NEK7: variants seen among roughly 807,000 people sequenced by gnomAD.
NEK7 encodes serine/threonine-protein kinase Nek7.
Under a neutral mutation model 44.6 loss-of-function variants are expected in NEK7, and 18 were observed. The ratio of observed to expected loss-of-function variants is 0.40; its 90% CI spans 0.28 to 0.60. The LOEUF (loss-of-function observed/expected upper bound fraction) is 0.60. NEK7 is among the 20% of genes least tolerant of loss of function. NEK7 has a pLI of 0.38. For synonymous variants in NEK7, 130 were observed against 121.1 expected, an observed-to-expected ratio of 1.07 and a Z score of -0.48; for missense variants, 256 against 366.5, an observed-to-expected ratio of 0.70 and a Z score of 2.46.
intron 1 of NEK7, among the ~76,000 whole-genome samples, chr1:198,169,434 C>A (rs984224176): frequency 3.3e-5 from 5 of 152,220 alleles, no homozygotes; most frequent in African/African-American, 7.2e-5. Context: ...TTATTAATTG[C>A]AGAATATGAG....
chr1:198,220,849 T>C (rs777642969), intron 1 of NEK7: 13 of 152,116 alleles, frequency 8.5e-5, no homozygotes, highest in Non-Finnish European at 1.5e-4. Context: ...TTAAATATGA[T>C]TGATCCTCTT....
chr1:198,253,088 A>G lies in NEK7; in HGVS notation c.106A>G (p.Ile36Val). ...MGYNTLANFR[I>V]EKKIGRGQFS... ...CTATAATACATTAGCCAACTTTCGA[A>G]TAGAAAAGAAAATTGGTCGCGGACA... The change falls in exon 3 of 10, where the codon ATA becomes GTA. Residue 36 changes from isoleucine (I) to valine (V), a missense_variant. Coordinates refer to ENST00000367385, the MANE Select transcript of NEK7 (RefSeq NM_133494.3). 1 of 1,612,612 alleles carries G rather than the reference A, an allele frequency of 6.2e-7. No homozygotes were observed. The highest frequency in any genetic ancestry group is 2.2e-5 in the East Asian group (1 of 44,828).
intron 7 of NEK7, among the ~76,000 whole-genome samples, chr1:198,292,686 C>T (rs1048742073): frequency 5.9e-5 from 9 of 151,614 alleles, no homozygotes; most frequent in African/African-American, 1.9e-4. Flanking sequence ...AGTTATGCTC[C>T]GTTGATTCTT....
Position 198,253,137 on chromosome 1 carries a change from C to G in NEK7, c.155C>G (p.Ala52Gly). Residue 52 changes from alanine (A) to glycine (G), a missense_variant, in exon 3 of 10, where the codon GCC (alanine) becomes GGC (glycine). By Grantham distance (60) the Ala-to-Gly change is moderately conservative. Coordinates refer to ENST00000367385, the MANE Select transcript of NEK7 (RefSeq NM_133494.3). ...RGQFSEVYRA[A>G]CLLDGVPVAL... ...CAATTTAGTGAAGTTTATAGAGCAG[C>G]CTGTCTCTTGGATGGAGTACCAGTA... 6.2e-7 allele frequency: 1 copy of G among 1,611,338 alleles called. No individual in the cohort carries two copies. The highest frequency in any genetic ancestry group is 1.1e-5 in the South Asian group (1 of 90,906).
chr1:198,213,143 GA>G (rs1665824503), intron 1 of NEK7, among the ~76,000 whole-genome samples: 1 of 152,194 alleles, frequency 6.6e-6, no homozygotes, highest in South Asian at 2.1e-4. Context: ...TCTGGAGTGG[GA>G]CAGCATCACT....
intron 1 of NEK7, among the ~76,000 whole-genome samples, chr1:198,228,057 G>A (rs573377470): frequency 6.6e-6 from 1 of 152,318 alleles, no homozygotes; most frequent in Admixed American, 6.5e-5. Flanking sequence ...AAGGTGTAAG[G>A]AAGGGATCCA....
chr1:198,268,857 T>C (rs770404050), intron 5 of NEK7, among the ~76,000 whole-genome samples: 44 of 152,100 alleles, frequency 2.9e-4, no homozygotes, highest in Non-Finnish European at 2.2e-4. Flanking sequence ...CTGTGGCTCA[T>C]TGGCCTTTCA....
chr1:198,271,990 G>A (rs72731922), intron 5 of NEK7, among the ~76,000 whole-genome samples: 6,521 of 149,092 alleles, frequency 0.044, 229 homozygotes, highest in Non-Finnish European at 0.061. Flanking sequence ...GTACATCTAT[G>A]TGTCTATATC....
intron 9 of NEK7, among the ~76,000 whole-genome samples, chr1:198,311,234 C>T (rs1161333716): frequency 6.9e-6 from 1 of 145,890 alleles, no homozygotes; most frequent in African/African-American, 2.6e-5. Context: ...ATTTGGCTCT[C>T]TGTTTGTCTG....
intron 1 of NEK7, among the ~76,000 whole-genome samples, chr1:198,180,282 A>C (rs996312460): frequency 6.6e-6 from 1 of 152,018 alleles, no homozygotes; most frequent in Non-Finnish European, 1.5e-5. Context: ...ATTAATCAAT[A>C]ACGAAGTATC....
chr1:198,270,140 T>C (rs1653790112), intron 5 of NEK7, among the ~76,000 whole-genome samples: 2 of 151,960 alleles, frequency 1.3e-5, no homozygotes, highest in Admixed American at 1.3e-4. Flanking sequence ...AATAAGAGGA[T>C]TTTAAAATTT....
At chr1:198,298,131 T>G (rs1654766941) in intron 9 of NEK7, among the ~76,000 whole-genome samples, 3 of 152,226 alleles carry the variant, frequency 2.0e-5, no homozygotes, top group African/African-American at 7.2e-5. Context: ...AATAGTGTGT[T>G]GAGTTAGGAC....
chr1:198,310,461 G>C (rs1655145222), intron 9 of NEK7, among the ~76,000 whole-genome samples: 1 of 146,218 alleles, frequency 6.8e-6, no homozygotes, highest in Non-Finnish European at 1.5e-5. Context: ...GATCCCATTT[G>C]TCAATTTTGG....
At chr1:198,210,962 C>G (rs1035923074) in intron 1 of NEK7, among the ~76,000 whole-genome samples, 2 of 151,566 alleles carry the variant, frequency 1.3e-5, no homozygotes, top group Non-Finnish European at 2.9e-5. Context: ...CCGTTTTAGC[C>G]GGGATGGTCT....
chr1:198,186,217 T>C (rs1664921779), intron 1 of NEK7, among the ~76,000 whole-genome samples: 1 of 152,236 alleles, frequency 6.6e-6, no homozygotes, highest in Non-Finnish European at 1.5e-5. Context: ...TCTGCTTACT[T>C]ATTTTCTGTT....
intron 2 of NEK7, among the ~76,000 whole-genome samples, chr1:198,250,078 A>G (rs1003286875): frequency 3.4e-5 from 5 of 148,520 alleles, no homozygotes; most frequent in African/African-American, 1.3e-4. Context: ...GAAGGGATCC[A>G]GTTTCAGCTT....
At position 198,158,479 on chromosome 1, in the gene NEK7, T is replaced by C. The variant is rs148549581; in HGVS notation, c.-29+1203T>C. ...CAGCAGTATGTCTTGTCAGGTTGCA[T>C]TAGAGAATTAAAGTACAGAGTATGT... On this transcript the variant is annotated intron_variant, in intron 1 of 9. Coordinates refer to ENST00000367385, the MANE Select transcript of NEK7 (RefSeq NM_133494.3). 3.0e-4 allele frequency among the ~76,000 whole-genome samples: 46 copies of C among 152,284 alleles called. 3 individuals are homozygous for C. In the South Asian group the frequency reaches 6.8e-3, roughly 23 times the overall value.
chr1:198,282,117 C>G (rs748877365), intron 7 of NEK7, among the ~76,000 whole-genome samples: 1 of 152,190 alleles, frequency 6.6e-6, no homozygotes, highest in Non-Finnish European at 1.5e-5. Context: ...CTCAAAATAT[C>G]TCTACTTTCC....
rs377724372 is a variant in NEK7 at position 198,215,593 on chromosome 1, T to C, written c.-28-16960T>C. Among the ~76,000 whole-genome samples the C allele has an allele frequency of 1.2e-4, 18 of 152,234 alleles. No homozygotes were observed. In the South Asian group the frequency reaches 3.7e-3, roughly 32 times the overall value. ...AGTAAGCCAAAAGATTGGACACCTC[T>C]TAACTAAAAGATACAGATTGGCAGA... On this transcript the variant is annotated intron_variant, in intron 1 of 9. Transcript: ENST00000367385.
Sources: gnomAD v4.1 joint callset for allele counts (sites outside exome capture counted in the v4.1 genomes callset) on GRCh38, gnomAD v4.1.1 for gene constraint, MANE v1.5 for transcripts, NCBI Gene and HGNC (gene_info 2026-07-23, HGNC 2026-07-21) for gene names.